Variants in BRD7 observed in about 807,000 individuals in gnomAD.
The protein encoded by BRD7 is bromodomain containing 7.
BRD7 carries 15 observed loss-of-function variants against 82.1 expected under a neutral mutation model. That is an observed-to-expected ratio of 0.18 (90% CI 0.12 to 0.28). The LOEUF is 0.28. BRD7 is among the 10% of genes least tolerant of loss of function. The pLI is 1.00. For missense variants in BRD7, 638 were observed against 779.9 expected (o/e 0.82, Z 2.17); for synonymous variants, 232 against 266.9 (o/e 0.87, Z 1.27).
intron 5 of BRD7, among the ~76,000 whole-genome samples, chr16:50,345,828 T>TA (rs2038260166): frequency 6.6e-6 from 1 of 151,272 alleles, no homozygotes; most frequent in African/African-American, 2.4e-5. Context: ...TGCAAAACTT[T>TA]AACACCCCAC....
At chr16:50,360,555 G>A (rs557068189) in intron 2 of BRD7, among the ~76,000 whole-genome samples, 68 of 152,250 alleles carry the variant, frequency 4.5e-4, no homozygotes, top group Admixed American at 1.5e-3. Flanking sequence ...GCAGAATGAC[G>A]CATACCTTTC....
intron 2 of BRD7, among the ~76,000 whole-genome samples, chr16:50,355,393 G>A (rs987455176): frequency 6.6e-6 from 1 of 152,242 alleles, no homozygotes; most frequent in African/African-American, 2.4e-5. Context: ...AATTTACCTC[G>A]AAGAGTGAAC....
chr16:50,366,704 T>C (rs1324101277), intron 2 of BRD7, among the ~76,000 whole-genome samples: 3 of 152,090 alleles, frequency 2.0e-5, no homozygotes, highest in Admixed American at 6.5e-5. Flanking sequence ...CAAGGAAAAA[T>C]ACCTAAAAAG....
chr16:50,366,408 G>A (rs768462970), intron 2 of BRD7, among the ~76,000 whole-genome samples: 7 of 152,158 alleles, frequency 4.6e-5, no homozygotes, highest in Non-Finnish European at 8.8e-5. Context: ...AGGAAGTAAA[G>A]AACTCAAATG....
chr16:50,325,527 T>TTA (rs2037299155), intron 11 of BRD7, among the ~76,000 whole-genome samples: 1 of 152,140 alleles, frequency 6.6e-6, no homozygotes, highest in Non-Finnish European at 1.5e-5. Context: ...AATATATTTT[T>TTA]TAAAAATTAA....
intron 7 of BRD7, among the ~76,000 whole-genome samples, chr16:50,334,024 T>A (rs1567608088): frequency 1.3e-5 from 2 of 152,242 alleles, no homozygotes; most frequent in Non-Finnish European, 2.9e-5. Flanking sequence ...TAAAGTTTGA[T>A]TTTTAAAATT....
chr16:50,333,567 C>G lies in BRD7; in HGVS notation c.1011+7G>C, dbSNP rs2151155907. On this transcript the variant is annotated splice_region_variant and intron_variant, in intron 8 of 16. Transcript: ENST00000394688. ...GGTAGAGAAAAGAAAAGGCAAAGCT[C>G]AATCACCTGACTGTTCACAAGCCGC... The G allele has an allele frequency of 6.2e-7, 1 of 1,609,764 alleles. No homozygotes were observed. The highest frequency in any genetic ancestry group is 8.5e-7 in the Non-Finnish European group (1 of 1,179,204).
At chr16:50,325,990 G>A (rs8046783) in intron 10 of BRD7, 107 bp from the exon 11 acceptor site, 471,926 of 1,158,722 alleles carry the variant, frequency 0.41, 98,657 homozygotes, top group African/African-American at 0.56. Flanking sequence ...TACTTCATTG[G>A]CTGGTTTGCA....
intron 4 of BRD7, among the ~76,000 whole-genome samples, chr16:50,350,519 C>T (rs2038474981): frequency 6.6e-6 from 1 of 152,096 alleles, no homozygotes; most frequent in African/African-American, 2.4e-5. Context: ...TTTAACCAAC[C>T]AAAGGGGAAA....
intron 4 of BRD7, among the ~76,000 whole-genome samples, chr16:50,353,393 C>A (rs79196105): frequency 0.016 from 2,409 of 152,030 alleles, 62 homozygotes; most frequent in African/African-American, 0.055. Context: ...CAAACCTGAA[C>A]AGGCATTGAA....
intron 13 of BRD7, 50 bp downstream of exon 13, chr16:50,321,932 C>A: frequency 1.3e-6 from 2 of 1,524,330 alleles, no homozygotes; most frequent in Non-Finnish European, 1.8e-6. Flanking sequence ...TTCTCTTACT[C>A]CCCTTATTTT....
At chr16:50,355,061 C>G (rs1200735628) in intron 2 of BRD7, 139 bp from the exon 3 acceptor site, 6 of 1,036,258 alleles carry the variant, frequency 5.8e-6, no homozygotes, top group African/African-American at 1.7e-5. Flanking sequence ...TTACTGCCAT[C>G]TACTGGAAAA....
At chr16:50,367,572 T>C (rs988384777) in intron 2 of BRD7, among the ~76,000 whole-genome samples, 1 of 152,248 alleles carries the variant, frequency 6.6e-6, no homozygotes, top group African/African-American at 2.4e-5. Context: ...TAGCTACTCA[T>C]TCTTTTCTGT....
chr16:50,349,677 G>A, intron 5 of BRD7: 1 of 448,424 alleles, frequency 2.2e-6, no homozygotes, highest in Admixed American at 2.8e-5. Flanking sequence ...CATATGTCTA[G>A]AAATAGAAAA....
chr16:50,330,545 T>C (rs1473320649), intron 8 of BRD7, among the ~76,000 whole-genome samples: 3 of 152,228 alleles, frequency 2.0e-5, no homozygotes, highest in African/African-American at 7.2e-5. Context: ...TGACTGATAG[T>C]CTAAGAGGGG....
chr16:50,352,075 C>A (rs2038548700), intron 4 of BRD7, among the ~76,000 whole-genome samples: 1 of 152,208 alleles, frequency 6.6e-6, no homozygotes. Flanking sequence ...CTCTACCTTT[C>A]CCTTGCCTCT....
In BRD7 at chr16:50,368,084, T is replaced by C. The variant is rs375407625; in HGVS notation, c.258+6A>G. On this transcript the variant is annotated splice_donor_region_variant and intron_variant, in intron 2 of 16. Transcript: ENST00000394688. Reference sequence around the variant, plus strand: ...CGCAAAGCCAAAGCAATGTAACCACTTGTACCTTAACTCTTCTCCGTTTTC... The same window carrying C: ...CGCAAAGCCAAAGCAATGTAACCACCTGTACCTTAACTCTTCTCCGTTTTC... 5.0e-6 allele frequency: 8 copies of C among 1,604,140 alleles called. No individual in the cohort carries two copies. The highest frequency in any genetic ancestry group is 6.8e-6 in the Non-Finnish European group (8 of 1,173,914).
chr16:50,368,048 G>A lies in BRD7; in HGVS notation c.258+42C>T, dbSNP rs2151219628. ...AAAATGAGGTTGGCACCTGGAAGAGGCAGTGCCGTCCGCAAAGCCAAAGCA... is the reference window on the plus strand; with the variant it reads ...AAAATGAGGTTGGCACCTGGAAGAGACAGTGCCGTCCGCAAAGCCAAAGCA... On this transcript the variant is annotated intron_variant, in intron 2 of 16. Transcript: ENST00000394688. The A allele has an allele frequency of 4.4e-6, 7 of 1,591,824 alleles. No homozygotes were observed. The South Asian group carries it at 6.6e-5, about 15-fold the overall frequency.
In BRD7 at chr16:50,323,562, C is replaced by G. The variant is rs753222409; in HGVS notation, c.1443+25G>C. Reference sequence around the variant, plus strand: ...GCTTGAGAGTCGATAATAAATTACCCTGTTTTCATTAGCAGTGTTCTTACC... The same window carrying G: ...GCTTGAGAGTCGATAATAAATTACCGTGTTTTCATTAGCAGTGTTCTTACC... On this transcript the variant is annotated intron_variant, in intron 12 of 16. Coordinates refer to ENST00000394688, the MANE Select transcript of BRD7 (RefSeq NM_013263.5). The G allele has an allele frequency of 1.1e-5, 17 of 1,480,964 alleles. No homozygotes were observed. In the East Asian group the frequency reaches 3.8e-4, roughly 34 times the overall value. The allele number at this position is 1,480,964 out of a possible 1,614,324, so 91.7% of individuals were successfully genotyped here.
Sources: gnomAD v4.1 joint callset for allele counts (sites outside exome capture counted in the v4.1 genomes callset) on GRCh38, gnomAD v4.1.1 for gene constraint, MANE v1.5 for transcripts, NCBI Gene and HGNC (gene_info 2026-07-23, HGNC 2026-07-21) for gene names.